CYFIP2: variants seen among roughly 807,000 people sequenced by gnomAD.
CYFIP2 encodes cytoplasmic FMR1 interacting protein 2, also known as cytoplasmic FMR1-interacting protein 2.
A neutral mutation model predicts 158.7 loss-of-function variants in CYFIP2; 29 were observed. That is an observed-to-expected ratio of 0.18 (90% CI 0.14 to 0.25). The LOEUF (loss-of-function observed/expected upper bound fraction) is 0.25. CYFIP2 is among the 10% of genes least tolerant of loss of function. The pLI is 1.00. For synonymous variants in CYFIP2, 585 were observed against 617.6 expected (o/e 0.95, Z 0.78); for missense variants, 852 against 1,639.5 (o/e 0.52, Z 8.29).
chr5:157,331,794 G>A (rs977052591), intron 20 of CYFIP2, among the ~76,000 whole-genome samples: 3 of 152,090 alleles, frequency 2.0e-5, no homozygotes, highest in African/African-American at 7.2e-5. Flanking sequence ...AAGGGGCCCT[G>A]GTCAGTTGGT....
chr5:157,345,002 T>C (rs1400076613), intron 23 of CYFIP2, among the ~76,000 whole-genome samples: 1 of 152,230 alleles, frequency 6.6e-6, no homozygotes, highest in Non-Finnish European at 1.5e-5. Context: ...GAATAGTGTC[T>C]TTCTATGTGG....
intron 13 of CYFIP2, among the ~76,000 whole-genome samples, chr5:157,318,160 T>C (rs1760303300): frequency 6.6e-6 from 1 of 152,266 alleles, no homozygotes; most frequent in Non-Finnish European, 1.5e-5. Context: ...TTTTTTCTCA[T>C]CAGTGACTTT....
chr5:157,278,470 A>C (rs1756734765), intron 1 of CYFIP2, among the ~76,000 whole-genome samples: 1 of 152,200 alleles, frequency 6.6e-6, no homozygotes, highest in African/African-American at 2.4e-5. Flanking sequence ...AAGGCATAGA[A>C]TTGGGAGTCA....
chr5:157,343,403 C>T lies in CYFIP2; in HGVS notation c.2673+2246C>T, dbSNP rs764749971. 1.4e-5 allele frequency: 23 copies of T among 1,613,960 alleles called. No homozygotes were observed. Among genetic ancestry groups the T allele is most frequent in the South Asian group, 3.3e-5 (3 of 91,078 alleles). On this transcript the variant is annotated intron_variant, in intron 23 of 30. Transcript: ENST00000620254. ...CTTCTCCTCGTGGTGGAAGCTGTAG[C>T]GAAGATAGCCAGAGAAGATGCTGTT... is the stretch of plus-strand genomic sequence containing the variant.
At chr5:157,307,283 T>C (rs1476801809) in intron 8 of CYFIP2, among the ~76,000 whole-genome samples, 1 of 152,236 alleles carries the variant, frequency 6.6e-6, no homozygotes, top group Non-Finnish European at 1.5e-5. Flanking sequence ...CACCCTGGGA[T>C]ACAGCAAGGA....
intron 22 of CYFIP2, among the ~76,000 whole-genome samples, chr5:157,340,282 C>G (rs1762158524): frequency 6.6e-6 from 1 of 152,226 alleles, no homozygotes; most frequent in Non-Finnish European, 1.5e-5. Context: ...AGCCTTGGCT[C>G]AAGGCCAGTA....
Position 157,382,636 on chromosome 5 carries a change from A to G in CYFIP2, c.3086A>G (p.Asn1029Ser). Residue 1029 changes from asparagine (N) to serine (S), a missense_variant, in exon 27 of 31, where the codon AAC becomes AGC. Asn to Ser is a conservative substitution (Grantham distance 46). Transcript: ENST00000620254. ...TTGCTCCATGCCGCACCCTTCCAAAACATCTTGCCTAGAGTCTACATCAAA... is the reference window on the plus strand; with the variant it reads ...TTGCTCCATGCCGCACCCTTCCAAAGCATCTTGCCTAGAGTCTACATCAAA... ...CDLLHAAPFQ[N>S]ILPRVYIKEG... 1 of 1,614,020 alleles carries G rather than the reference A, an allele frequency of 6.2e-7. No individual in the cohort carries two copies. Among genetic ancestry groups the G allele is most frequent in the Non-Finnish European group, 8.5e-7 (1 of 1,179,896 alleles).
At chr5:157,373,079 C>G (rs1212375140) in intron 26 of CYFIP2, among the ~76,000 whole-genome samples, 1 of 152,198 alleles carries the variant, frequency 6.6e-6, no homozygotes, top group African/African-American at 2.4e-5. Context: ...TACTCTCCAG[C>G]TTAAAACTAA....
chr5:157,375,818 T>G (rs1356945043), intron 26 of CYFIP2: 2 of 152,040 alleles, frequency 1.3e-5, no homozygotes, highest in African/African-American at 2.4e-5. Context: ...GAGTTCTTAG[T>G]GTTAAGTGAG....
intron 3 of CYFIP2, among the ~76,000 whole-genome samples, chr5:157,291,237 C>G (rs375982888): frequency 6.6e-6 from 1 of 152,114 alleles, no homozygotes; most frequent in Non-Finnish European, 1.5e-5. Context: ...GGGTTGAACA[C>G]GAATGATTCA....
intron 6 of CYFIP2, among the ~76,000 whole-genome samples, 187 bp from the exon 7 acceptor site, chr5:157,302,607 C>T (rs1022321688): frequency 6.6e-6 from 1 of 152,092 alleles, no homozygotes; most frequent in African/African-American, 2.4e-5. Flanking sequence ...AGGGTGTAGA[C>T]AGCCCCAAAG....
At chr5:157,276,782 A>G (rs1191624124) in intron 1 of CYFIP2, among the ~76,000 whole-genome samples, 3 of 152,212 alleles carry the variant, frequency 2.0e-5, no homozygotes, top group Non-Finnish European at 2.9e-5. Context: ...TCAGTGGTGG[A>G]CATGGGATGA....
intron 21 of CYFIP2, among the ~76,000 whole-genome samples, chr5:157,337,451 C>G (rs1472548160): frequency 6.6e-6 from 1 of 152,222 alleles, no homozygotes; most frequent in African/African-American, 2.4e-5. Context: ...GACCCACTCC[C>G]CAAACTTTCT....
At chr5:157,343,320 A>G (rs1472724538) in intron 23 of CYFIP2, 5 of 1,614,180 alleles carry the variant, frequency 3.1e-6, no homozygotes, top group Non-Finnish European at 4.2e-6. Context: ...ATGCACAGGA[A>G]GTAGAGAGTG....
intron 23 of CYFIP2, chr5:157,343,249 AT>A (rs1762423058): frequency 6.2e-7 from 1 of 1,614,190 alleles, no homozygotes; most frequent in Non-Finnish European, 8.5e-7. Context: ...GCGGACTCTT[AT>A]CCAGGGTGTG....
intron 26 of CYFIP2, among the ~76,000 whole-genome samples, chr5:157,375,550 G>A (rs534494728): frequency 2.4e-4 from 36 of 152,038 alleles, no homozygotes; most frequent in African/African-American, 8.7e-4. Context: ...TCTAAGCCTA[G>A]CTTATCCAAC....
intron 1 of CYFIP2, among the ~76,000 whole-genome samples, chr5:157,276,238 A>G (rs1756534772): frequency 1.3e-5 from 2 of 152,204 alleles, no homozygotes; most frequent in Non-Finnish European, 2.9e-5. Flanking sequence ...TCTTGGTGAG[A>G]AAGCATTAAG....
At chr5:157,344,442 A>G (rs971662107) in intron 23 of CYFIP2, among the ~76,000 whole-genome samples, 1 of 152,202 alleles carries the variant, frequency 6.6e-6, no homozygotes, top group Non-Finnish European at 1.5e-5. Context: ...CCTAACCACT[A>G]CATTTCCTAA....
At chr5:157,283,215 A>G (rs1449856961) in intron 1 of CYFIP2, among the ~76,000 whole-genome samples, 3 of 152,232 alleles carry the variant, frequency 2.0e-5, no homozygotes, top group African/African-American at 7.2e-5. Context: ...GAATAATCAT[A>G]GTACCTACCT....
Sources: gnomAD v4.1 joint callset for allele counts (sites outside exome capture counted in the v4.1 genomes callset) on GRCh38, gnomAD v4.1.1 for gene constraint, MANE v1.5 for transcripts, NCBI Gene and HGNC (gene_info 2026-07-23, HGNC 2026-07-21) for gene names.